C1orf94: variants seen among roughly 807,000 people sequenced by gnomAD.
The protein encoded by C1orf94 is uncharacterized protein C1orf94.
Under a neutral mutation model 53.6 loss-of-function variants are expected in C1orf94, and 45 were observed. The observed-to-expected ratio is 0.84, with a 90% confidence interval of 0.66 to 1.08. C1orf94 has a LOEUF of 1.08. Among genes scored for constraint, C1orf94 ranks in the 50% least tolerant of loss-of-function variants. The pLI is 0.00. For missense variants in C1orf94, 762 were observed against 738.9 expected, an observed-to-expected ratio of 1.03 and a Z score of -0.36; for synonymous variants, 304 against 296.1, an observed-to-expected ratio of 1.03 and a Z score of -0.27.
upstream of C1orf94, among the ~76,000 whole-genome samples, chr1:34,175,194 T>G (rs567476211): frequency 2.3e-4 from 34 of 148,904 alleles, no homozygotes; most frequent in South Asian, 4.2e-4. Flanking sequence ...TATTTGATTT[T>G]TTTTTTTTTT....
At position 34,202,268 on chromosome 1, in the gene C1orf94, G is replaced by T. The variant is rs770238251; in HGVS notation, c.1446+9G>T. 6.2e-7 allele frequency: 1 copy of T among 1,612,950 alleles called. No individual in the cohort carries two copies. The highest frequency in any genetic ancestry group is 1.7e-5 in the Admixed American group (1 of 59,922). On this transcript the variant is annotated intron_variant, in intron 4 of 6. Coordinates refer to ENST00000488417, the MANE Select transcript of C1orf94 (RefSeq NM_001134734.2). ...CCTTCTTGCAGTATCAGGTCAGTGA[G>T]CTGGCCTGGCTCTCCTGTGGACATC...
chr1:34,173,360 T>C (rs1642175822), upstream of C1orf94, among the ~76,000 whole-genome samples: 1 of 152,194 alleles, frequency 6.6e-6, no homozygotes, highest in South Asian at 2.1e-4. Context: ...ATGAGGAACC[T>C]AAAAGGACCT....
At chr1:34,171,723 A>T (rs561910867) in intron 1 of C1orf94, among the ~76,000 whole-genome samples, 3 of 152,342 alleles carry the variant, frequency 2.0e-5, no homozygotes, top group African/African-American at 7.2e-5. Context: ...AGGACTCATG[A>T]TAAATTCATG....
chr1:34,191,434 G>A (rs1771372), intron 1 of C1orf94, among the ~76,000 whole-genome samples: 20,369 of 151,738 alleles, frequency 0.13, 1,926 homozygotes, highest in African/African-American at 0.27. Context: ...CCCATTAAAC[G>A]GTGGGGATTT....
intron 2 of C1orf94, among the ~76,000 whole-genome samples, chr1:34,199,973 T>C (rs1642672140): frequency 6.6e-6 from 1 of 152,206 alleles, no homozygotes; most frequent in African/African-American, 2.4e-5. Flanking sequence ...CTGTTCTCCA[T>C]TTCTTCCCTC....
At chr1:34,176,308 G>C (rs899953754), upstream of C1orf94, among the ~76,000 whole-genome samples, 9 of 152,036 alleles carry the variant, frequency 5.9e-5, no homozygotes, top group Non-Finnish European at 1.2e-4. Context: ...TTCCTTTTCA[G>C]GGGAATTGCT....
At chr1:34,206,663 A>G (rs543131552) in intron 4 of C1orf94, among the ~76,000 whole-genome samples, 13 of 152,356 alleles carry the variant, frequency 8.5e-5, no homozygotes, top group African/African-American at 3.1e-4. Context: ...ACTTAGCAAC[A>G]TGCCTAGTGG....
rs897127185 is a variant in C1orf94, at chr1:34,184,834, G to GT, written c.320+6735dup. Among the ~76,000 whole-genome samples, 426 of 147,758 alleles carry GT rather than the reference G, an allele frequency of 2.9e-3. 2 individuals are homozygous for GT. The highest frequency in any genetic ancestry group is 0.014 in the Middle Eastern group (4 of 290). On this transcript the variant is annotated intron_variant, in intron 1 of 6. Transcript: ENST00000488417. The stretch of plus-strand genomic sequence containing the variant: ...TACATAGCCTCTTTTGTTTTTTTTG[G>GT]TTTTTTTTTTAGCATTATTCTTTAA...
intron 4 of C1orf94, among the ~76,000 whole-genome samples, chr1:34,202,983 T>C (rs550638766): frequency 6.6e-5 from 10 of 152,350 alleles, no homozygotes; most frequent in Admixed American, 4.6e-4. Flanking sequence ...GTTAGTAATC[T>C]AGAGATTAAA....
Position 34,218,959 on chromosome 1 carries a change from A to C in C1orf94, c.*198A>C. 1 of 345,022 alleles carries C rather than the reference A, an allele frequency of 2.9e-6. No individual in the cohort carries two copies. The highest frequency in any genetic ancestry group is 5.1e-6 in the Non-Finnish European group (1 of 194,614). 21.4% of individuals were successfully genotyped at this position (345,022 alleles called of 1,614,324 possible). A position where few individuals can be genotyped will look rare whatever the true frequency, so the allele number is the denominator to read the frequency against. Reference sequence around the variant, plus strand: ...CCTCCTCACACATGGCACAAGCTACACACACACACACACACATGACCCTCA... The same window carrying C: ...CCTCCTCACACATGGCACAAGCTACCCACACACACACACACATGACCCTCA... On this transcript the variant is annotated 3_prime_UTR_variant, in exon 7 of 7. Transcript: ENST00000488417.
chr1:34,188,628 C>G (rs1217618879), intron 1 of C1orf94, among the ~76,000 whole-genome samples: 1 of 152,204 alleles, frequency 6.6e-6, no homozygotes, highest in Non-Finnish European at 1.5e-5. Context: ...ACCAGGCTGT[C>G]TCAGTCAGAG....
intron 6 of C1orf94, among the ~76,000 whole-genome samples, chr1:34,215,232 A>G (rs1245204895): frequency 6.6e-6 from 1 of 152,180 alleles, no homozygotes. Flanking sequence ...AATAATAGAA[A>G]GTGCAAGGGC....
rs549245973 is a variant in C1orf94, at chr1:34,194,973, C to T, written c.321-2252C>T. On this transcript the variant is annotated intron_variant, in intron 1 of 6. Coordinates refer to ENST00000488417, the MANE Select transcript of C1orf94 (RefSeq NM_001134734.2). ...AGGAGGGGGATCTAAAACTTGAGAC[C>T]GCAGATTGGCAGCCCCTTTATTCTG... 5.3e-5 allele frequency among the ~76,000 whole-genome samples: 8 copies of T among 152,048 alleles called. No individual in the cohort carries two copies. The East Asian group carries it at 7.8e-4, about 15-fold the overall frequency.
At chr1:34,216,385 G>A (rs1357859734) in intron 6 of C1orf94, among the ~76,000 whole-genome samples, 1 of 152,202 alleles carries the variant, frequency 6.6e-6, no homozygotes, top group Non-Finnish European at 1.5e-5. Flanking sequence ...CTGTGAATAA[G>A]TAGGACTATC....
chr1:34,214,587 G>C (rs1642952215), intron 6 of C1orf94, among the ~76,000 whole-genome samples: 1 of 152,218 alleles, frequency 6.6e-6, no homozygotes, highest in African/African-American at 2.4e-5. Context: ...GCTCTGGGAA[G>C]ATAGACTTGC....
At chr1:34,217,513 G>A (rs1476247480) in intron 6 of C1orf94, among the ~76,000 whole-genome samples, 1 of 152,138 alleles carries the variant, frequency 6.6e-6, no homozygotes, top group Admixed American at 6.6e-5. Context: ...AACAGAGGTG[G>A]GGTTACCGCT....
intron 1 of C1orf94, among the ~76,000 whole-genome samples, chr1:34,191,998 GGAGCCGCAGAACT>G (rs1358622307): frequency 6.6e-6 from 1 of 152,166 alleles, no homozygotes; most frequent in Admixed American, 6.5e-5. Flanking sequence ...GCGTGGAGCT[GGAGCCGCAGAACT>G]GATTCTGACT....
In C1orf94 at chr1:34,212,382, A is replaced by G. The variant is rs773351783; in HGVS notation, c.1697A>G (p.Gln566Arg). The G allele has an allele frequency of 6.2e-7, 1 of 1,611,636 alleles. No homozygotes were observed. The highest frequency in any genetic ancestry group is 8.5e-7 in the Non-Finnish European group (1 of 1,179,004). The change falls in exon 6 of 7, where the codon CAG becomes CGG. Residue 566 changes from glutamine to arginine, a missense_variant. By Grantham distance (43) the Gln-to-Arg change is conservative (BLOSUM62 1). Transcript: ENST00000488417. ...CCCCTAATGGCAGGAGATGGACCGC[A>G]GTACCTCTTTCCCCAAGGATATGGG... ...DPPLMAGDGP[Q>R]YLFPQGYGFG...
intron 6 of C1orf94, among the ~76,000 whole-genome samples, chr1:34,216,655 G>A (rs1642993149): frequency 6.6e-6 from 1 of 152,200 alleles, no homozygotes; most frequent in Non-Finnish European, 1.5e-5. Flanking sequence ...AGGCTTCCAT[G>A]TCCTCAGGGA....
Sources: allele counts gnomAD v4.1 joint callset (sites outside exome capture counted in the v4.1 genomes callset), GRCh38; gene constraint gnomAD v4.1.1; transcripts MANE v1.5; gene names NCBI Gene and HGNC (gene_info 2026-07-23, HGNC 2026-07-21).